Variants in PRKN observed in about 807,000 individuals in gnomAD.
The protein encoded by PRKN is E3 ubiquitin-protein ligase parkin.
In PRKN, 56 loss-of-function variants were observed where a neutral mutation model predicts 59.5. The observed-to-expected ratio is 0.94, with a 90% CI of 0.76 to 1.18. The LOEUF (loss-of-function observed/expected upper bound fraction) is 1.18, where lower values mean the gene tolerates loss of function less well. Ranked by LOEUF, PRKN falls within the 50% of genes most tolerant of loss-of-function variation. The pLI is 0.00. For missense variants in PRKN, 657 were observed against 596.4 expected (o/e 1.10, Z -1.06); for synonymous variants, 250 against 222.1 (o/e 1.13, Z -1.12).
chr6:161,742,102 C>G (rs187710459), intron 7 of PRKN, among the ~76,000 whole-genome samples: 1 of 152,130 alleles, frequency 6.6e-6, no homozygotes, highest in South Asian at 2.1e-4. Context: ...CCTGAGTACC[C>G]GGGATTACAG....
intron 2 of PRKN, among the ~76,000 whole-genome samples, chr6:162,390,375 G>A (rs892050843): frequency 1.0e-4 from 10 of 98,828 alleles, no homozygotes; most frequent in East Asian, 3.0e-4. Flanking sequence ...TACTGCTAAG[G>A]TATATATATA....
At chr6:161,842,315 C>CT (rs1793019960) in intron 6 of PRKN, among the ~76,000 whole-genome samples, 1 of 151,756 alleles carries the variant, frequency 6.6e-6, no homozygotes, top group Non-Finnish European at 1.5e-5. Flanking sequence ...GAAACCTCGT[C>CT]TTTACTAAAA....
At chr6:161,814,631 T>C (rs1337232858) in intron 6 of PRKN, among the ~76,000 whole-genome samples, 1 of 152,140 alleles carries the variant, frequency 6.6e-6, no homozygotes, top group South Asian at 2.1e-4. Context: ...GCCTCCCAAG[T>C]AGCTGAGATT....
chr6:161,453,251 G>A (rs147118117), intron 9 of PRKN, among the ~76,000 whole-genome samples: 57 of 152,262 alleles, frequency 3.7e-4, no homozygotes, highest in African/African-American at 1.2e-3. Flanking sequence ...TGGGCTTAAC[G>A]TCGTGGCTCT....
intron 7 of PRKN, among the ~76,000 whole-genome samples, chr6:161,608,760 G>A (rs138573236): frequency 0.035 from 5,331 of 151,594 alleles, 137 homozygotes; most frequent in Non-Finnish European, 0.051. Flanking sequence ...GGCTGGTTTC[G>A]AATTCCTGAC....
At chr6:161,775,067 G>T (rs550722019) in intron 7 of PRKN, among the ~76,000 whole-genome samples, 1 of 152,092 alleles carries the variant, frequency 6.6e-6, no homozygotes, top group Admixed American at 6.6e-5. Context: ...CTGTTTCAGC[G>T]AGGCAGGCAA....
intron 4 of PRKN, among the ~76,000 whole-genome samples, chr6:162,092,345 C>T (rs1779532243): frequency 6.6e-6 from 1 of 151,064 alleles, no homozygotes; most frequent in Non-Finnish European, 1.5e-5. Flanking sequence ...CAGAGTGAGT[C>T]TAATGAAAAA....
chr6:161,482,008 C>T (rs1247465612), intron 9 of PRKN, among the ~76,000 whole-genome samples: 1 of 129,052 alleles, frequency 7.7e-6, no homozygotes, highest in African/African-American at 3.0e-5. Flanking sequence ...GTTCATTTTG[C>T]GGGGGGTGGG....
chr6:161,659,324 C>A (rs897306867), intron 7 of PRKN, among the ~76,000 whole-genome samples: 63 of 152,252 alleles, frequency 4.1e-4, no homozygotes, highest in African/African-American at 1.4e-3. Context: ...CCAGTGGCTA[C>A]CTCTTTGAGG....
intron 1 of PRKN, among the ~76,000 whole-genome samples, chr6:162,646,042 T>A (rs9458623): frequency 0.08 from 12,067 of 151,574 alleles, 655 homozygotes; most frequent in East Asian, 0.3. Context: ...GCCTGGCTAA[T>A]TTTTTGTATT....
intron 7 of PRKN, among the ~76,000 whole-genome samples, chr6:161,726,425 T>G (rs1787443087): frequency 6.6e-6 from 1 of 152,234 alleles, no homozygotes; most frequent in Admixed American, 6.5e-5. Context: ...ACTTAATGTG[T>G]TATCCGGCAC....
chr6:161,875,444 C>T (rs946585912), intron 6 of PRKN, among the ~76,000 whole-genome samples: 13 of 151,984 alleles, frequency 8.6e-5, no homozygotes, highest in African/African-American at 3.1e-4. Flanking sequence ...CTGCCTGCCT[C>T]GGCCTCCCAA....
At position 162,649,320 on chromosome 6, in the gene PRKN, G is replaced by T. The variant is rs551567933; in HGVS notation, c.7+78342C>A. Among the ~76,000 whole-genome samples, 5 of 152,232 alleles carry T rather than the reference G, an allele frequency of 3.3e-5. No homozygotes were observed. The South Asian group carries it at 1.0e-3, about 32-fold the overall frequency. ...AGATGACTAGCAAATTGTTAGTTAAGGTAACCATATAATTCATCATACAAT... is the reference window on the plus strand; with the variant it reads ...AGATGACTAGCAAATTGTTAGTTAATGTAACCATATAATTCATCATACAAT... On this transcript the variant is annotated intron_variant, in intron 1 of 11. Coordinates refer to ENST00000366898, the MANE Select transcript of PRKN (RefSeq NM_004562.3).
intron 7 of PRKN, among the ~76,000 whole-genome samples, chr6:161,699,763 G>C (rs1228834464): frequency 6.6e-6 from 1 of 152,104 alleles, no homozygotes; most frequent in East Asian, 1.9e-4. Context: ...GAAACTCTTG[G>C]GGGTGATAGA....
chr6:162,239,214 G>C (rs1356366244), intron 3 of PRKN, among the ~76,000 whole-genome samples: 1 of 152,038 alleles, frequency 6.6e-6, no homozygotes, highest in East Asian at 1.9e-4. Context: ...AACTACATTT[G>C]TCCACAAGCC....
chr6:162,395,526 A>G (rs973933638), intron 2 of PRKN, among the ~76,000 whole-genome samples: 1 of 152,186 alleles, frequency 6.6e-6, no homozygotes, highest in African/African-American at 2.4e-5. Flanking sequence ...ATTGCATGAG[A>G]TACCCAAATC....
chr6:161,530,124 C>A lies in PRKN; in HGVS notation c.1083+18730G>T, dbSNP rs1364753980. Among the ~76,000 whole-genome samples the A allele has an allele frequency of 6.6e-6, 1 of 152,158 alleles. No homozygotes were observed. The highest frequency in any genetic ancestry group is 2.4e-5 in the African/African-American group (1 of 41,430). ...GTGGCTGTGCACACGGGCTTCTTGCCATCACTTAAATGGACACTTCTCAAA... is the reference window on the plus strand; with the variant it reads ...GTGGCTGTGCACACGGGCTTCTTGCAATCACTTAAATGGACACTTCTCAAA... On this transcript the variant is annotated intron_variant, in intron 9 of 11. Transcript: ENST00000366898. This position sits in a 1 kb window ranked among gnomAD's most constrained non-coding sequence, Gnocchi z 5.0.
At chr6:162,409,874 A>T (rs1251531762) in intron 2 of PRKN, among the ~76,000 whole-genome samples, 2 of 152,212 alleles carry the variant, frequency 1.3e-5, no homozygotes, top group Non-Finnish European at 2.9e-5. Context: ...GTTCAGTCAC[A>T]TGGGAGCAGC....
At chr6:162,652,887 T>C (rs1227223650) in intron 1 of PRKN, among the ~76,000 whole-genome samples, 2 of 152,196 alleles carry the variant, frequency 1.3e-5, no homozygotes, top group Non-Finnish European at 2.9e-5. Flanking sequence ...AAAGCTTTGC[T>C]TTTTCATCAG....
Sources: gnomAD v4.1 joint callset for allele counts (sites outside exome capture counted in the v4.1 genomes callset) on GRCh38, gnomAD v4.1.1 for gene constraint, Gnocchi (gnomAD v3.1) non-coding constraint, MANE v1.5 for transcripts, NCBI Gene and HGNC (gene_info 2026-07-23, HGNC 2026-07-21) for gene names.